The following SORCS3 variants were observed in gnomAD, a reference collection of about 807,000 sequenced individuals.
The protein encoded by SORCS3 is sortilin related VPS10 domain containing receptor 3.
A neutral mutation model predicts 146.3 loss-of-function variants in SORCS3; 57 were observed. The ratio of observed to expected loss-of-function variants is 0.39; its 90% CI spans 0.31 to 0.49. SORCS3 has a LOEUF of 0.49. Ranked by LOEUF, SORCS3 falls within the 20% of genes least tolerant of loss-of-function variation. The pLI, the probability that SORCS3 is intolerant of heterozygous loss-of-function variation, is 0.92. For missense variants in SORCS3, 1,341 were observed against 1,575.5 expected (o/e 0.85, Z 2.52); for synonymous variants, 653 against 618.5 (o/e 1.06, Z -0.83).
chr10:105,077,507 AACTG>A (rs2055596012), intron 5 of SORCS3, among the ~76,000 whole-genome samples: 1 of 142,178 alleles, frequency 7.0e-6, no homozygotes, highest in Non-Finnish European at 1.5e-5. Context: ...GGTTGCACGA[AACTG>A]ACTAAATTAA....
intron 2 of SORCS3, among the ~76,000 whole-genome samples, chr10:104,861,805 G>A (rs776185713): frequency 2.6e-5 from 4 of 152,212 alleles, no homozygotes; most frequent in Non-Finnish European, 2.9e-5. Flanking sequence ...ATGTCCCACC[G>A]TCCTGGAGGC....
At chr10:104,773,139 T>C (rs2017271622) in intron 1 of SORCS3, among the ~76,000 whole-genome samples, 1 of 152,100 alleles carries the variant, frequency 6.6e-6, no homozygotes, top group Non-Finnish European at 1.5e-5. Context: ...GCAGCACACA[T>C]GTGAGTCCCG....
At chr10:104,725,549 T>C (rs868401955) in intron 1 of SORCS3, among the ~76,000 whole-genome samples, 30 of 152,298 alleles carry the variant, frequency 2.0e-4, no homozygotes, top group South Asian at 4.1e-4. Flanking sequence ...GCTGCCTTTT[T>C]TTTGGCTATG....
intron 21 of SORCS3, among the ~76,000 whole-genome samples, chr10:105,246,415 C>CT (rs138261989): frequency 3.3e-5 from 5 of 151,456 alleles, no homozygotes; most frequent in African/African-American, 1.2e-4. Context: ...TTCATTTCTT[C>CT]TTTTTTTTAT....
At chr10:104,683,799 CCAAA>C (rs1274243544) in intron 1 of SORCS3, among the ~76,000 whole-genome samples, 1 of 152,230 alleles carries the variant, frequency 6.6e-6, no homozygotes, top group Non-Finnish European at 1.5e-5. Flanking sequence ...TATTGTCCAG[CCAAA>C]CAAACAATTT....
At chr10:104,884,124 A>T (rs937719557) in intron 2 of SORCS3, among the ~76,000 whole-genome samples, 1 of 152,196 alleles carries the variant, frequency 6.6e-6, no homozygotes, top group Admixed American at 6.5e-5. Context: ...AAATCATTCA[A>T]GTTTAAATTT....
intron 4 of SORCS3, among the ~76,000 whole-genome samples, chr10:105,029,375 G>A (rs2055250006): frequency 6.6e-6 from 1 of 152,196 alleles, no homozygotes; most frequent in Non-Finnish European, 1.5e-5. Flanking sequence ...GCTTTGGGTA[G>A]GAATTGGCCA....
intron 4 of SORCS3, among the ~76,000 whole-genome samples, chr10:105,012,790 G>T (rs756733610): frequency 6.6e-5 from 10 of 152,136 alleles, no homozygotes; most frequent in African/African-American, 1.7e-4. Context: ...AAGCATTCTC[G>T]TGAGTTGTTA....
At chr10:104,838,846 C>G (rs1368929551) in intron 1 of SORCS3, among the ~76,000 whole-genome samples, 1 of 151,830 alleles carries the variant, frequency 6.6e-6, no homozygotes, top group Non-Finnish European at 1.5e-5. Flanking sequence ...GTCAGACTTA[C>G]TGGGGGTGGG....
chr10:104,715,160 G>C (rs2133441174), intron 1 of SORCS3, among the ~76,000 whole-genome samples: 1 of 152,290 alleles, frequency 6.6e-6, no homozygotes, highest in South Asian at 2.1e-4. Context: ...CATTATTTCT[G>C]GGTGTGTCTG....
At chr10:105,207,631 G>T (rs1377860629) in intron 16 of SORCS3, among the ~76,000 whole-genome samples, 1 of 152,174 alleles carries the variant, frequency 6.6e-6, no homozygotes, top group Non-Finnish European at 1.5e-5. Flanking sequence ...TTCGGAGCTG[G>T]GAAGGAGATT....
chr10:105,263,013 C>T (rs564700641), intron 26 of SORCS3, among the ~76,000 whole-genome samples: 107 of 152,236 alleles, frequency 7.0e-4, no homozygotes, highest in Non-Finnish European at 1.0e-3. Context: ...GTCATTAGCC[C>T]AGTGCCTGCC....
intron 1 of SORCS3, among the ~76,000 whole-genome samples, chr10:104,699,048 A>G (rs1480211181): frequency 2.0e-5 from 3 of 152,184 alleles, no homozygotes; most frequent in South Asian, 2.1e-4. Context: ...GAAGGGATCC[A>G]TCGTCTTCTG....
intron 4 of SORCS3, among the ~76,000 whole-genome samples, chr10:105,012,790 G>A (rs756733610): frequency 9.2e-5 from 14 of 152,136 alleles, no homozygotes; most frequent in South Asian, 2.1e-4. Context: ...AAGCATTCTC[G>A]TGAGTTGTTA....
chr10:105,096,872 G>A (rs575141814), intron 6 of SORCS3, among the ~76,000 whole-genome samples: 64 of 152,222 alleles, frequency 4.2e-4, no homozygotes, highest in African/African-American at 1.4e-3. Context: ...ATGAAAAATT[G>A]TTCCTTGATA....
At chr10:104,933,587 A>C (rs1357122559) in intron 3 of SORCS3, among the ~76,000 whole-genome samples, 1 of 152,192 alleles carries the variant, frequency 6.6e-6, no homozygotes, top group African/African-American at 2.4e-5. Context: ...GAAGGTAGAA[A>C]GAGGTGCATT....
chr10:105,054,909 T>C (rs1054424047), intron 5 of SORCS3, among the ~76,000 whole-genome samples: 6 of 152,218 alleles, frequency 3.9e-5, no homozygotes, highest in Admixed American at 6.5e-5. Context: ...ATTTTACTTA[T>C]TGATTCATCC....
At chr10:105,034,582 C>G (rs2055293509) in intron 4 of SORCS3, among the ~76,000 whole-genome samples, 1 of 147,710 alleles carries the variant, frequency 6.8e-6, no homozygotes, top group Non-Finnish European at 1.5e-5. Context: ...ATGGGGCAAG[C>G]CTCATCTATG....
At chr10:105,015,976 C>T (rs790649) in intron 4 of SORCS3, among the ~76,000 whole-genome samples, 46,371 of 150,918 alleles carry the variant, frequency 0.31, 8,055 homozygotes, top group African/African-American at 0.48. Flanking sequence ...GATCTGCCCC[C>T]CTCAGCCTCC....
Sources: allele counts gnomAD v4.1 joint callset (sites outside exome capture counted in the v4.1 genomes callset), GRCh38; gene constraint gnomAD v4.1.1; transcripts MANE v1.5; gene names NCBI Gene and HGNC (gene_info 2026-07-23, HGNC 2026-07-21).